TRIM5: variants seen among roughly 807,000 people sequenced by gnomAD.
TRIM5 encodes tripartite motif containing 5, also known as tripartite motif-containing protein 5.
A neutral mutation model predicts 35.6 loss-of-function variants in TRIM5; 31 were observed. That is an observed-to-expected ratio of 0.87 (90% CI 0.65 to 1.18). The LOEUF (loss-of-function observed/expected upper bound fraction) is 1.18, where lower values mean the gene tolerates loss of function less well. TRIM5 is among the 50% of genes most tolerant of loss of function. TRIM5 has a pLI of 0.00. For missense variants in TRIM5, 609 were observed against 591.6 expected, an observed-to-expected ratio of 1.03 and a Z score of -0.31; for synonymous variants, 243 against 215.6, an observed-to-expected ratio of 1.13 and a Z score of -1.11.
At chr11:5,665,743 T>C (rs1851082925) in intron 6 of TRIM5, 61 bp from the exon 7 acceptor site, 1 of 1,474,520 alleles carries the variant, frequency 6.8e-7, no homozygotes, top group Admixed American at 2.6e-5. Flanking sequence ...TGAAATTCAT[T>C]TTCTCTCCAG....
chr11:5,612,416 A>C, the TRIM5 span: 2 of 129,490 alleles, frequency 1.5e-5, no homozygotes, highest in Non-Finnish European at 3.7e-5. Flanking sequence ...TAGAACAATA[A>C]AAAAAAATAC....
chr11:5,681,643 C>A (rs1472112826), intron 1 of TRIM5, among the ~76,000 whole-genome samples: 1 of 152,082 alleles, frequency 6.6e-6, no homozygotes, highest in African/African-American at 2.4e-5. Flanking sequence ...TTCCTTCAGA[C>A]CCCCATAAAA....
Position 5,678,245 on chromosome 11 carries a change from G to C in TRIM5, c.703C>G (p.Leu235Val), listed in dbSNP as rs527419832. ...ACTGACCCCTGCAGCCGATGCTCCAGATCTGAGATGAGCTCTCTCAGGGAC... is the reference window on the plus strand; with the variant it reads ...ACTGACCCCTGCAGCCGATGCTCCACATCTGAGATGAGCTCTCTCAGGGAC... ...TQSLRELISDLEHRLQGSVME... is the reference protein window; with the variant it reads ...TQSLRELISDVEHRLQGSVME... Residue 235 changes from leucine (L) to valine (V), a missense_variant, in exon 4 of 8, where the codon CTG (leucine) becomes GTG (valine). By Grantham distance (32) the Leu-to-Val change is conservative. Coordinates refer to ENST00000380034, the MANE Select transcript of TRIM5 (RefSeq NM_033034.3). 6.2e-6 allele frequency: 10 copies of C among 1,614,008 alleles called. No homozygotes were observed. In the Admixed American group the frequency reaches 1.0e-4, roughly 16 times the overall value.
chr11:5,609,850 G>C, the TRIM5 span, among the ~76,000 whole-genome samples: 1 of 152,294 alleles, frequency 6.6e-6, no homozygotes, highest in East Asian at 1.9e-4. Flanking sequence ...TTGAACCTGG[G>C]AGGTGGAGGT....
chr11:5,667,706 CA>C lies in TRIM5; in HGVS notation c.749del (p.Val250GlyfsTer5). The C allele has an allele frequency of 6.2e-7, 1 of 1,613,670 alleles. No homozygotes were observed. ...ACACATACCTTTTTATGACGCCATC[CA>C]CACCCTAGGAAGAAGAGAGAAAACA... ...QGSVMELLQG[V>X]DGVIKRTENV... On this transcript the variant is annotated frameshift_variant, in exon 5 of 8. Transcript: ENST00000380034. LOFTEE classifies it high-confidence loss of function.
the TRIM5 span, chr11:5,610,950 G>GTAGA: frequency 6.2e-7 from 1 of 1,614,186 alleles, no homozygotes; most frequent in Non-Finnish European, 8.5e-7. Context: ...TTACTGGGAG[G>GTAGA]TAGATGTGGC....
At chr11:5,610,994 C>A in the TRIM5 span, 1 of 1,614,120 alleles carries the variant, frequency 6.2e-7, no homozygotes, top group Non-Finnish European at 8.5e-7. Flanking sequence ...GGGTATGCAG[C>A]AATTCACTGG....
the TRIM5 span, among the ~76,000 whole-genome samples, chr11:5,600,818 G>A: frequency 6.6e-6 from 1 of 152,108 alleles, no homozygotes; most frequent in Non-Finnish European, 1.5e-5. Flanking sequence ...CTGGAACCAG[G>A]GCCAGAGCTT....
At chr11:5,610,740 C>G in the TRIM5 span, 45 of 1,602,208 alleles carry the variant, frequency 2.8e-5, no homozygotes, top group Non-Finnish European at 3.4e-5. Context: ...ACCCATGTCC[C>G]CGTTCTCATC....
the TRIM5 span, chr11:5,645,907 A>ATATATATATATATC: frequency 7.0e-6 from 1 of 142,346 alleles, no homozygotes; most frequent in African/African-American, 3.2e-5. Flanking sequence ...CTATATATAG[A>ATATATATATATATC]TATATATAGA....
At chr11:5,653,496 G>GT in the TRIM5 span, among the ~76,000 whole-genome samples, 8,827 of 132,424 alleles carry the variant, frequency 0.067, 377 homozygotes, top group South Asian at 0.19. Context: ...TGTTTTTTTT[G>GT]TTTTTTTTTT....
chr11:5,682,860 C>A (rs1469886365), intron 1 of TRIM5, among the ~76,000 whole-genome samples: 2 of 152,254 alleles, frequency 1.3e-5, no homozygotes, highest in Non-Finnish European at 2.9e-5. Flanking sequence ...TTGAGGAGCT[C>A]TTCAGCCCAC....
the TRIM5 span, among the ~76,000 whole-genome samples, chr11:5,634,467 A>AATAT: frequency 4.8e-5 from 7 of 145,986 alleles, no homozygotes; most frequent in Non-Finnish European, 9.0e-5. Flanking sequence ...AGATAATACA[A>AATAT]ATATATATAT....
chr11:5,613,563 G>C, the TRIM5 span, among the ~76,000 whole-genome samples: 1 of 152,182 alleles, frequency 6.6e-6, no homozygotes, highest in Non-Finnish European at 1.5e-5. Context: ...CCAGCTGACT[G>C]GGACCTATGG....
At chr11:5,671,167 A>G (rs1364649845) in intron 4 of TRIM5, among the ~76,000 whole-genome samples, 3 of 152,134 alleles carry the variant, frequency 2.0e-5, no homozygotes, top group Non-Finnish European at 4.4e-5. Flanking sequence ...TCGAGGCTAT[A>G]GTGAGTCAAG....
the TRIM5 span, among the ~76,000 whole-genome samples, chr11:5,653,680 C>T: frequency 5.9e-5 from 9 of 151,364 alleles, no homozygotes; most frequent in Admixed American, 2.6e-4. Flanking sequence ...TTGGTAGAGA[C>T]AGGGTTTTTA....
intron 4 of TRIM5, among the ~76,000 whole-genome samples, chr11:5,671,607 C>A (rs1287545166): frequency 6.6e-6 from 1 of 151,576 alleles, no homozygotes; most frequent in African/African-American, 2.4e-5. Context: ...TGAAAAGCTG[C>A]ATCAATAAAA....
At chr11:5,637,942 A>G in the TRIM5 span, among the ~76,000 whole-genome samples, 49,393 of 152,044 alleles carry the variant, frequency 0.32, 8,978 homozygotes, top group East Asian at 0.62. Context: ...TCCATTCCCC[A>G]TTTTTCTGGT....
the TRIM5 span, chr11:5,642,782 T>G: frequency 1.2e-6 from 2 of 1,613,706 alleles, no homozygotes; most frequent in South Asian, 2.2e-5. Context: ...CTCCTTTGTT[T>G]CTAATCAGCA....
Sources: gnomAD v4.1 joint callset for allele counts (sites outside exome capture counted in the v4.1 genomes callset) on GRCh38, gnomAD v4.1.1 for gene constraint, MANE v1.5 for transcripts, NCBI Gene and HGNC (gene_info 2026-07-23, HGNC 2026-07-21) for gene names.